The following ZC3H7B variants were observed in gnomAD, a reference collection of about 807,000 sequenced individuals.
ZC3H7B encodes the protein zinc finger CCCH-type containing 7B.
Under a neutral mutation model 116.0 loss-of-function variants are expected in ZC3H7B, and 35 were observed. The observed-to-expected ratio is 0.30, with a 90% CI of 0.23 to 0.40. The LOEUF is 0.40. Ranked by LOEUF, ZC3H7B falls within the 10% of genes least tolerant of loss-of-function variation. The pLI is 1.00. For missense variants in ZC3H7B, 1,011 were observed against 1,321.5 expected, an observed-to-expected ratio of 0.77 and a Z score of 3.64; for synonymous variants, 502 against 545.6, an observed-to-expected ratio of 0.92 and a Z score of 1.11.
rs1450451233 is a variant in ZC3H7B, at chr22:41,359,079, C to T, written c.*1650C>T. 1 of 152,958 alleles carries T rather than the reference C, an allele frequency of 6.5e-6. No individual in the cohort carries two copies. The highest frequency in any genetic ancestry group is 1.5e-5 in the Non-Finnish European group (1 of 68,258). The allele number at this position is 152,958 out of a possible 1,614,324, so 9.5% of individuals were successfully genotyped here. On this transcript the variant is annotated 3_prime_UTR_variant, in exon 23 of 23. Transcript: ENST00000352645. ...ATGCGCCCTTTCCTCTTCCCTGCCC[C>T]ACCCCCTGGCCGCAGCAGGCCAGCA...
At chr22:41,329,986 C>A (rs767785642) in intron 5 of ZC3H7B, 37 bp from the exon 6 acceptor site, 1 of 1,609,322 alleles carries the variant, frequency 6.2e-7, no homozygotes, top group East Asian at 2.2e-5. Flanking sequence ...TGAGCCCGGG[C>A]AGACTGACCC....
At chr22:41,340,833 G>A (rs550520917) in intron 10 of ZC3H7B, among the ~76,000 whole-genome samples, 33 of 152,300 alleles carry the variant, frequency 2.2e-4, no homozygotes, top group African/African-American at 7.9e-4. Context: ...GCAAGCTAAG[G>A]AACTTGGGCT....
chr22:41,341,250 C>A, intron 11 of ZC3H7B, 104 bp downstream of exon 11: 1 of 1,386,760 alleles, frequency 7.2e-7, no homozygotes, highest in African/African-American at 1.4e-5. Context: ...CACTGCATTC[C>A]CCACGGCGGG....
intron 1 of ZC3H7B, among the ~76,000 whole-genome samples, chr22:41,305,752 T>C (rs1380828134): frequency 1.3e-5 from 2 of 152,156 alleles, no homozygotes; most frequent in Non-Finnish European, 2.9e-5. Flanking sequence ...TAGTGCCTGC[T>C]GGGTGCCGGC....
At position 41,338,391 on chromosome 22, in the gene ZC3H7B, G is replaced by A. The variant is rs771159057; in HGVS notation, c.625+36G>A. 6.2e-7 allele frequency: 1 copy of A among 1,609,590 alleles called. No individual in the cohort carries two copies. The highest frequency in any genetic ancestry group is 1.3e-5 in the African/African-American group (1 of 74,962). ...CGATACGAGGGAACAAGTGGAAATT[G>A]GGGCCCCGAGAGGTCAGGGGAGTCG... On this transcript the variant is annotated intron_variant, in intron 8 of 22. Transcript: ENST00000352645. This position sits in a 1 kb window ranked among gnomAD's most constrained non-coding sequence, Gnocchi z 4.5.
At chr22:41,348,536 A>G (rs2036617478) in intron 15 of ZC3H7B, among the ~76,000 whole-genome samples, 1 of 152,146 alleles carries the variant, frequency 6.6e-6, no homozygotes, top group African/African-American at 2.4e-5. Flanking sequence ...AGCACCCTCC[A>G]ATGTCATGAC....
chr22:41,324,774 TC>T, intron 2 of ZC3H7B, among the ~76,000 whole-genome samples: 1 of 152,226 alleles, frequency 6.6e-6, no homozygotes, highest in South Asian at 2.1e-4. Flanking sequence ...TGAGGTGGAC[TC>T]CCGGTGCCTC....
chr22:41,316,733 G>A (rs527357201), intron 1 of ZC3H7B, among the ~76,000 whole-genome samples: 6 of 151,560 alleles, frequency 4.0e-5, no homozygotes, highest in Non-Finnish European at 7.4e-5. Flanking sequence ...GTAGTGCAAC[G>A]GCGCAATCTT....
In ZC3H7B at chr22:41,327,512, G is replaced by A; in HGVS notation, c.444+148G>A. On this transcript the variant is annotated intron_variant, in intron 5 of 22. Coordinates refer to ENST00000352645, the MANE Select transcript of ZC3H7B (RefSeq NM_017590.6). The surrounding 1 kb of genome is among the most constrained non-coding windows in gnomAD (Gnocchi z 4.5). The stretch of plus-strand genomic sequence containing the variant: ...CATGCAGATCCTGATGTTAACACTA[G>A]CTCCCATTCTCTGAGCGCTGACTGG... 3.6e-6 allele frequency: 4 copies of A among 1,107,332 alleles called. No homozygotes were observed. The highest frequency in any genetic ancestry group is 5.1e-6 in the Non-Finnish European group (4 of 788,568). 68.6% of individuals were successfully genotyped at this position (1,107,332 alleles called of 1,614,324 possible). A position where few individuals can be genotyped will look rare whatever the true frequency, so the allele number is the denominator to read the frequency against.
chr22:41,327,167 A>G lies in ZC3H7B; in HGVS notation c.286-39A>G, dbSNP rs1426105547. On this transcript the variant is annotated intron_variant, in intron 4 of 22. Coordinates refer to ENST00000352645, the MANE Select transcript of ZC3H7B (RefSeq NM_017590.6). This position sits in a 1 kb window ranked among gnomAD's most constrained non-coding sequence, Gnocchi z 4.5. The stretch of plus-strand genomic sequence containing the variant: ...CAGGAGGCCTGGGGGAGGGAGGGTA[A>G]CAGGTGTTGACCAGTGACCACATGC... 1 of 1,605,490 alleles carries G rather than the reference A, an allele frequency of 6.2e-7. No individual in the cohort carries two copies.
chr22:41,305,435 G>C (rs1382466462), intron 1 of ZC3H7B, among the ~76,000 whole-genome samples: 2 of 151,766 alleles, frequency 1.3e-5, no homozygotes, highest in Admixed American at 6.6e-5. Flanking sequence ...TCTTGAACCT[G>C]GGGGGTGGAG....
intron 2 of ZC3H7B, among the ~76,000 whole-genome samples, chr22:41,322,757 T>C (rs1480967056): frequency 1.3e-5 from 2 of 152,128 alleles, no homozygotes; most frequent in African/African-American, 2.4e-5. Flanking sequence ...CCTTATATAC[T>C]CCCCACTTTT....
At chr22:41,321,484 G>T (rs999131616) in intron 2 of ZC3H7B, among the ~76,000 whole-genome samples, 1 of 151,884 alleles carries the variant, frequency 6.6e-6, no homozygotes, top group Admixed American at 6.6e-5. Context: ...CAAAGTGCTG[G>T]GATTACAGGC....
chr22:41,325,458 G>A, intron 2 of ZC3H7B, 106 bp from the exon 3 acceptor site: 1 of 1,462,132 alleles, frequency 6.8e-7, no homozygotes, highest in Non-Finnish European at 9.4e-7. Context: ...GTTCACCCTA[G>A]TCCACAAGGT....
At chr22:41,347,081 C>T (rs1243206565) in intron 14 of ZC3H7B, among the ~76,000 whole-genome samples, 1 of 152,162 alleles carries the variant, frequency 6.6e-6, no homozygotes, top group African/African-American at 2.4e-5. Context: ...CTGCCCTCAG[C>T]CACACAGACA....
At chr22:41,350,574 T>C (rs907127410) in intron 16 of ZC3H7B, among the ~76,000 whole-genome samples, 1 of 152,106 alleles carries the variant, frequency 6.6e-6, no homozygotes, top group African/African-American at 2.4e-5. Flanking sequence ...GGATCAGATA[T>C]GAAGTATGAG....
chr22:41,338,505 G>T lies in ZC3H7B; in HGVS notation c.625+150G>T. ...TCCCTGAGGCATGGGAGAAAACAGT[G>T]GGTTGAGAGCTACAGACCCACTCAA... On this transcript the variant is annotated intron_variant, in intron 8 of 22. Coordinates refer to ENST00000352645, the MANE Select transcript of ZC3H7B (RefSeq NM_017590.6). This position sits in a 1 kb window ranked among gnomAD's most constrained non-coding sequence, Gnocchi z 4.5. The T allele has an allele frequency of 1.2e-6, 1 of 830,988 alleles. No individual in the cohort carries two copies. The highest frequency in any genetic ancestry group is 2.7e-5 in the East Asian group (1 of 37,588). The allele number at this position is 830,988 out of a possible 1,614,324, so 51.5% of individuals were successfully genotyped here. A position where few individuals can be genotyped will look rare whatever the true frequency, so the allele number is the denominator to read the frequency against.
chr22:41,325,670 C>G, intron 3 of ZC3H7B, 51 bp from the exon 4 acceptor site: 1 of 1,607,710 alleles, frequency 6.2e-7, no homozygotes, highest in Non-Finnish European at 8.5e-7. Flanking sequence ...GGCCGGGTGC[C>G]AGAGCTGGGG....
Position 41,340,194 on chromosome 22 carries a change from C to A in ZC3H7B, c.1138+57C>A. On this transcript the variant is annotated intron_variant, in intron 10 of 22. Transcript: ENST00000352645. ...CTGGACAGGTTGCACAGTGCTGTGG[C>A]CTCTTTGGTGCCTGGAGAGTGGAGT... is the stretch of plus-strand genomic sequence containing the variant. 23 of 1,507,636 alleles carry A rather than the reference C, an allele frequency of 1.5e-5. 1 individual carries two copies. In the South Asian group the frequency reaches 2.8e-4, roughly 18 times the overall value. The allele number at this position is 1,507,636 out of a possible 1,614,324, so 93.4% of individuals were successfully genotyped here. A position where few individuals can be genotyped will look rare whatever the true frequency, so the allele number is the denominator to read the frequency against.
Sources: gnomAD v4.1 joint callset for allele counts (sites outside exome capture counted in the v4.1 genomes callset) on GRCh38, gnomAD v4.1.1 for gene constraint, Gnocchi (gnomAD v3.1) non-coding constraint, MANE v1.5 for transcripts, NCBI Gene and HGNC (gene_info 2026-07-23, HGNC 2026-07-21) for gene names.